Variants in ZNF675 observed in about 807,000 individuals in gnomAD.
ZNF675 encodes the protein zinc finger protein 675, also known as TRAF6 inhibitory zinc finger.
In ZNF675, 36 loss-of-function variants were observed where a neutral mutation model predicts 56.1. The ratio of observed to expected loss-of-function variants is 0.64; its 90% CI spans 0.49 to 0.85. The LOEUF (loss-of-function observed/expected upper bound fraction) is 0.85. Ranked by LOEUF, ZNF675 falls within the 40% of genes least tolerant of loss-of-function variation. The probability of loss-of-function intolerance (pLI) is 0.00; values close to 1 mark genes in which losing one functional copy is unlikely to be tolerated. For missense variants in ZNF675, 663 were observed against 654.2 expected, an observed-to-expected ratio of 1.01 and a Z score of -0.15; for synonymous variants, 200 against 218.9, an observed-to-expected ratio of 0.91 and a Z score of 0.76.
intron 1 of ZNF675, among the ~76,000 whole-genome samples, chr19:23,668,331 G>C (rs1308585514): frequency 1.3e-5 from 2 of 150,444 alleles, no homozygotes; most frequent in Non-Finnish European, 3.0e-5. Context: ...CACCAAAGCA[G>C]CTAGATACAG....
At chr19:23,672,021 G>T (rs1310173893) in intron 1 of ZNF675, among the ~76,000 whole-genome samples, 1 of 152,024 alleles carries the variant, frequency 6.6e-6, no homozygotes, top group Non-Finnish European at 1.5e-5. Context: ...TCTCAAGGAT[G>T]CCTAGGTGAT....
intron 1 of ZNF675, among the ~76,000 whole-genome samples, chr19:23,671,622 T>G (rs1784344042): frequency 6.6e-6 from 1 of 151,822 alleles, no homozygotes; most frequent in Admixed American, 6.6e-5. Flanking sequence ...AGGAATTAGA[T>G]GAAGACTGAA....
chr19:23,660,656 T>C (rs1968063818), intron 3 of ZNF675, among the ~76,000 whole-genome samples: 1 of 152,074 alleles, frequency 6.6e-6, no homozygotes, highest in Non-Finnish European at 1.5e-5. Flanking sequence ...GTACAAAATC[T>C]TTACAGTGAG....
chr19:23,666,936 T>C (rs988020124), intron 1 of ZNF675, among the ~76,000 whole-genome samples: 2 of 152,154 alleles, frequency 1.3e-5, no homozygotes, highest in African/African-American at 4.8e-5. Flanking sequence ...CTGAGTCCTA[T>C]TGTTTTTGTC....
chr19:23,664,336 G>T (rs1968121301), intron 1 of ZNF675, among the ~76,000 whole-genome samples: 1 of 152,134 alleles, frequency 6.6e-6, no homozygotes, highest in South Asian at 2.1e-4. Context: ...CACACTCACA[G>T]GCAGAAGGAC....
In ZNF675 at chr19:23,674,789, T is replaced by C. The variant is rs1421850293; in HGVS notation, c.4-11631A>G. On this transcript the variant is annotated intron_variant, in intron 1 of 3. Transcript: ENST00000359788. ...TTCAAGACCAGCCTGACCAACATGG[T>C]GAAACTCTGTCTCTACTAAAAATAT... 2.0e-5 allele frequency among the ~76,000 whole-genome samples: 3 copies of C among 151,200 alleles called. 1 individual carries two copies. Among genetic ancestry groups the C allele is most frequent in the African/African-American group, 7.4e-5 (3 of 40,730 alleles).
intron 1 of ZNF675, among the ~76,000 whole-genome samples, chr19:23,665,741 C>T (rs71333901): frequency 0.057 from 8,631 of 152,146 alleles, 267 homozygotes; most frequent in Non-Finnish European, 0.063. Context: ...TCTAGTGATT[C>T]GCCCAACTTG....
chr19:23,674,617 C>CAA (rs11461935), intron 1 of ZNF675, among the ~76,000 whole-genome samples: 212 of 142,500 alleles, frequency 1.5e-3, no homozygotes, highest in Middle Eastern at 3.6e-3. Context: ...GACTCCGTCT[C>CAA]AAAAAAAAAA....
chr19:23,669,128 AG>A (rs1476376091), intron 1 of ZNF675, among the ~76,000 whole-genome samples: 1 of 152,184 alleles, frequency 6.6e-6, no homozygotes, highest in African/African-American at 2.4e-5. Context: ...GTCTTTCAGC[AG>A]CCATTTTCTA....
intron 1 of ZNF675, among the ~76,000 whole-genome samples, chr19:23,664,910 CA>C (rs1182151865): frequency 6.6e-6 from 1 of 152,106 alleles, no homozygotes; most frequent in Non-Finnish European, 1.5e-5. Flanking sequence ...CAGGTCGCAC[CA>C]CTGTACTCCA....
At chr19:23,676,947 G>A (rs919595232) in intron 1 of ZNF675, among the ~76,000 whole-genome samples, 4 of 150,702 alleles carry the variant, frequency 2.7e-5, no homozygotes, top group Admixed American at 2.0e-4. Context: ...GGTGGCGGGC[G>A]CCTGTAGTCC....
At chr19:23,667,916 G>A (rs1247303416) in intron 1 of ZNF675, among the ~76,000 whole-genome samples, 3 of 144,910 alleles carry the variant, frequency 2.1e-5, no homozygotes, top group Admixed American at 7.0e-5. Context: ...ACAGAGTGCC[G>A]ACTGGTGTAT....
In ZNF675 at chr19:23,687,193, T is replaced by C. The variant is rs57999259; in HGVS notation, c.-160A>G. The C allele has an allele frequency of 3.4e-4, 283 of 829,468 alleles. No homozygotes were observed. The African/African-American group carries it at 4.2e-3, about 12-fold the overall frequency. The allele number at this position is 829,468 out of a possible 1,614,324, so 51.4% of individuals were successfully genotyped here. A position where few individuals can be genotyped will look rare whatever the true frequency, so the allele number is the denominator to read the frequency against. On this transcript the variant is annotated 5_prime_UTR_variant, in exon 1 of 4. Transcript: ENST00000359788. ...AGCGAGAGACAAAGGCGCCGCCAAA[T>C]CCCGGAAGCCATCTTGTCTGCTCCA...
chr19:23,654,637 G>A lies in ZNF675; in HGVS notation c.296C>T (p.Thr99Ile). Residue 99 changes from threonine (T) to isoleucine (I), a missense_variant, in exon 4 of 4, where the codon ACA (threonine) becomes ATA (isoleucine). Physicochemically the swap from Thr to Ile is moderately conservative, Grantham distance 89. Transcript: ENST00000359788. ...QNIKDSFEKV[T>I]LRRYEKCGND... is the part of the protein sequence containing the mutation. ...TCCACATTTTTCATATCTTCTCAGTGTCACTTTTTCAAAAGAATCTTTTAT... is the reference window on the plus strand; with the variant it reads ...TCCACATTTTTCATATCTTCTCAGTATCACTTTTTCAAAAGAATCTTTTAT... 6.2e-7 allele frequency: 1 copy of A among 1,600,486 alleles called. No homozygotes were observed. Among genetic ancestry groups the A allele is most frequent in the Non-Finnish European group, 8.5e-7 (1 of 1,175,214 alleles).
rs913502406 is a variant in ZNF675, at chr19:23,681,762, C to A, written c.3+5269G>T. On this transcript the variant is annotated intron_variant, in intron 1 of 3. Coordinates refer to ENST00000359788, the MANE Select transcript of ZNF675 (RefSeq NM_138330.3). ...AATAACTGGGGACTCCCAGAACTTT[C>A]CTCAAGTTCAGTAATATAACAGAGC... is the stretch of plus-strand genomic sequence containing the variant. Among the ~76,000 whole-genome samples the A allele has an allele frequency of 2.6e-5, 4 of 151,768 alleles. No homozygotes were observed. In the South Asian group the frequency reaches 6.2e-4, roughly 24 times the overall value.
intron 1 of ZNF675, among the ~76,000 whole-genome samples, chr19:23,666,990 A>G (rs935970580): frequency 2.0e-5 from 3 of 152,106 alleles, no homozygotes; most frequent in African/African-American, 7.2e-5. Flanking sequence ...TCTTGGTCTC[A>G]CTGACTTCAA....
intron 1 of ZNF675, 83 bp downstream of exon 1, chr19:23,686,948 G>A (rs1455949407): frequency 3.3e-6 from 5 of 1,534,170 alleles, no homozygotes; most frequent in Admixed American, 1.7e-5. Context: ...ACTGCGGGGA[G>A]GCCTGAGTCC....
At chr19:23,686,845 C>A (rs1968448995) in intron 1 of ZNF675, among the ~76,000 whole-genome samples, 186 bp downstream of exon 1, 1 of 152,160 alleles carries the variant, frequency 6.6e-6, no homozygotes, top group African/African-American at 2.4e-5. Flanking sequence ...ACGGGATGCC[C>A]CGGGGCTGGC....
chr19:23,669,702 A>G (rs1968204394), intron 1 of ZNF675, among the ~76,000 whole-genome samples: 1 of 151,922 alleles, frequency 6.6e-6, no homozygotes, highest in Non-Finnish European at 1.5e-5. Context: ...ACTACAGAAA[A>G]ATTAGTCTTG....
Sources: gnomAD v4.1 joint callset for allele counts (sites outside exome capture counted in the v4.1 genomes callset) on GRCh38, gnomAD v4.1.1 for gene constraint, MANE v1.5 for transcripts, NCBI Gene and HGNC (gene_info 2026-07-23, HGNC 2026-07-21) for gene names.